Variants in ZNF839 observed in about 807,000 individuals in gnomAD.
The protein encoded by ZNF839 is zinc finger protein 839.
ZNF839 carries 38 observed loss-of-function variants against 56.4 expected under a neutral mutation model. That is an observed-to-expected ratio of 0.67 (90% CI 0.52 to 0.88). ZNF839 has a LOEUF of 0.88. Ranked by LOEUF, ZNF839 falls within the 40% of genes least tolerant of loss-of-function variation. ZNF839 has a pLI of 0.00. For missense variants in ZNF839, 1,091 were observed against 1,177.6 expected (o/e 0.93, Z 1.08); for synonymous variants, 486 against 493.5 (o/e 0.98, Z 0.20).
chr14:102,331,495 C>T, intron 2 of ZNF839, 127 bp from the exon 3 acceptor site: 3 of 753,162 alleles, frequency 4.0e-6, no homozygotes, highest in South Asian at 1.8e-5. Context: ...AATGATCCAC[C>T]CGCCTTGGGC....
intron 2 of ZNF839, among the ~76,000 whole-genome samples, chr14:102,329,560 C>T (rs1221049699): frequency 1.3e-5 from 2 of 151,452 alleles, no homozygotes; most frequent in Admixed American, 6.6e-5. Flanking sequence ...AATTTTTGTA[C>T]TTTTAGTAGA....
intron 5 of ZNF839, among the ~76,000 whole-genome samples, chr14:102,338,328 A>G (rs1055936366): frequency 2.0e-5 from 3 of 152,192 alleles, no homozygotes; most frequent in Non-Finnish European, 4.4e-5. Context: ...ACTTGAGGCC[A>G]GAAGTTCAAG....
Position 102,342,326 on chromosome 14 carries a change from C to T in ZNF839, c.*147C>T. On this transcript the variant is annotated 3_prime_UTR_variant, in exon 8 of 8. Coordinates refer to ENST00000442396, the MANE Select transcript of ZNF839 (RefSeq NM_018335.6). ...GTATATTTTTCTAATGTGAATATTGCACAGATGAACCTTTTATTTATAAAG... is the reference window on the plus strand; with the variant it reads ...GTATATTTTTCTAATGTGAATATTGTACAGATGAACCTTTTATTTATAAAG... 1 of 905,616 alleles carries T rather than the reference C, an allele frequency of 1.1e-6. No individual in the cohort carries two copies. Among genetic ancestry groups the T allele is most frequent in the African/African-American group, 1.7e-5 (1 of 60,556 alleles). The allele number at this position is 905,616 out of a possible 1,614,324, so 56.1% of individuals were successfully genotyped here.
upstream of ZNF839, among the ~76,000 whole-genome samples, chr14:102,317,933 G>C (rs72698579): frequency 0.025 from 3,763 of 152,314 alleles, 83 homozygotes; most frequent in South Asian, 0.085. Context: ...GGTTGTATAA[G>C]GTTGATGCCA....
In ZNF839 at chr14:102,326,778, A is replaced by G. The variant is rs1050688712; in HGVS notation, c.1082A>G (p.Glu361Gly). 5 of 1,612,606 alleles carry G rather than the reference A, an allele frequency of 3.1e-6. No homozygotes were observed. Among genetic ancestry groups the G allele is most frequent in the Non-Finnish European group, 4.2e-6 (5 of 1,179,430 alleles). ...ASGSTLRGCT[E>G]ERTLSLTSLG... is the part of the protein sequence containing the mutation. ...GGAAGCACCCTCCGGGGGTGCACGGAGGAAAGGACGCTCAGCCTGACCTCC... is the reference window on the plus strand; with the variant it reads ...GGAAGCACCCTCCGGGGGTGCACGGGGGAAAGGACGCTCAGCCTGACCTCC... Residue 361 changes from glutamate to glycine, a missense_variant, in exon 2 of 8, where the codon GAG (glutamate) becomes GGG (glycine). Coordinates refer to ENST00000442396, the MANE Select transcript of ZNF839 (RefSeq NM_018335.6). This position sits in a 1 kb window ranked among gnomAD's most constrained non-coding sequence, Gnocchi z 4.3.
chr14:102,317,580 A>T (rs2072933275), upstream of ZNF839: 1 of 151,960 alleles, frequency 6.6e-6, no homozygotes, highest in Non-Finnish European at 1.5e-5. Flanking sequence ...TGGAGGTGAA[A>T]ATCCAGGTCT....
chr14:102,331,663 AC>A lies in ZNF839; in HGVS notation c.1235del (p.Pro412GlnfsTer83). Reference protein sequence around the residue: ...VDVEETLPSEPENGALLRSER... With the variant: ...VDVEETLPSEXENGALLRSER... Reference sequence around the variant, plus strand: ...ACGTTGAAGAGACATTGCCATCTGAACCAGAAAATGGAGCTCTTTTGCGATC... The same window carrying A: ...ACGTTGAAGAGACATTGCCATCTGAACAGAAAATGGAGCTCTTTTGCGATC... On this transcript the variant is annotated frameshift_variant, in exon 3 of 8. Transcript: ENST00000442396. LOFTEE classifies it high-confidence loss of function. The A allele has an allele frequency of 1.9e-6, 3 of 1,612,878 alleles. No individual in the cohort carries two copies. The highest frequency in any genetic ancestry group is 1.7e-6 in the Non-Finnish European group (2 of 1,179,406).
intron 3 of ZNF839, among the ~76,000 whole-genome samples, chr14:102,333,276 T>C (rs2139546805): frequency 6.6e-6 from 1 of 150,922 alleles, no homozygotes; most frequent in Admixed American, 6.6e-5. Context: ...TTTTTTTTTT[T>C]TTTTGAGAGA....
Position 102,341,987 on chromosome 14 carries a change from T to C in ZNF839, c.2592T>C (p.Val864=), listed in dbSNP as rs770021064. The change falls in exon 8 of 8, where the codon GTT becomes GTC. Residue 864 remains valine, a synonymous_variant. Coordinates refer to ENST00000442396, the MANE Select transcript of ZNF839 (RefSeq NM_018335.6). ...HSGQRELESV[V]AVGEAMAFEI... ...GCCAGAGAGAACTGGAGAGCGTGGT[T>C]GCTGTCGGCGAAGCCATGGCTTTTG... The C allele has an allele frequency of 1.5e-5, 25 of 1,613,900 alleles. No homozygotes were observed. Among genetic ancestry groups the C allele is most frequent in the Non-Finnish European group, 1.9e-5 (23 of 1,179,900 alleles).
chr14:102,331,066 T>C lies in ZNF839; in HGVS notation c.1192-556T>C, dbSNP rs117728453. ...CTGTGTTGGAATTAGATAGTGGTTATGGTTACACAATTTCGCGAATATTTT... is the reference window on the plus strand; with the variant it reads ...CTGTGTTGGAATTAGATAGTGGTTACGGTTACACAATTTCGCGAATATTTT... On this transcript the variant is annotated intron_variant, in intron 2 of 7. Transcript: ENST00000442396. Among the ~76,000 whole-genome samples the C allele has an allele frequency of 3.7e-4, 57 of 152,344 alleles. 2 individuals are homozygous for C. Among genetic ancestry groups the C allele is most frequent in the East Asian group, 2.5e-3 (13 of 5,182 alleles).
intron 2 of ZNF839, among the ~76,000 whole-genome samples, chr14:102,327,543 C>T (rs1252823883): frequency 6.6e-6 from 1 of 152,226 alleles, no homozygotes; most frequent in Non-Finnish European, 1.5e-5. Flanking sequence ...CACCTCCCAC[C>T]AGGTCCCACC....
upstream of ZNF839, chr14:102,319,596 C>A: frequency 3.2e-6 from 3 of 948,080 alleles, no homozygotes; most frequent in Non-Finnish European, 4.1e-6. The surrounding 1 kb of genome is among the most constrained non-coding windows in gnomAD (Gnocchi z 4.5). Context: ...CTAAGAGCCG[C>A]GGCGGTTGTC....
chr14:102,340,565 G>A (rs1041202061), intron 7 of ZNF839, among the ~76,000 whole-genome samples: 2 of 152,156 alleles, frequency 1.3e-5, no homozygotes, highest in Non-Finnish European at 2.9e-5. Flanking sequence ...AGCAGCCACC[G>A]TGCCCAGCCT....
intron 2 of ZNF839, among the ~76,000 whole-genome samples, chr14:102,329,250 G>A (rs916754056): frequency 4.6e-5 from 7 of 152,214 alleles, no homozygotes; most frequent in Non-Finnish European, 1.0e-4. Context: ...TTACAGGCGT[G>A]AGCCACCACG....
chr14:102,319,597 G>A, upstream of ZNF839: 1 of 958,844 alleles, frequency 1.0e-6, no homozygotes. This position sits in a 1 kb window ranked among gnomAD's most constrained non-coding sequence, Gnocchi z 4.5. Context: ...TAAGAGCCGC[G>A]GCGGTTGTCG....
Position 102,326,530 on chromosome 14 carries a change from A to C in ZNF839, c.834A>C (p.Ser278=), listed in dbSNP as rs2073418155. Residue 278 remains serine, a synonymous_variant, in exon 2 of 8, where the codon TCA becomes TCC. Transcript: ENST00000442396. This position sits in a 1 kb window ranked among gnomAD's most constrained non-coding sequence, Gnocchi z 4.3. ...KTEDLADGHL[S]DSDDYSELCV... is the part of the protein sequence containing the mutation. ...AGGATCTGGCGGATGGTCATCTGTCAGATTCTGATGATTACTCAGAACTCT... is the reference window on the plus strand; with the variant it reads ...AGGATCTGGCGGATGGTCATCTGTCCGATTCTGATGATTACTCAGAACTCT... 2 of 1,614,074 alleles carry C rather than the reference A, an allele frequency of 1.2e-6. No individual in the cohort carries two copies. The highest frequency in any genetic ancestry group is 1.7e-6 in the Non-Finnish European group (2 of 1,179,896).
At position 102,341,613 on chromosome 14, in the gene ZNF839, A is replaced by G. The variant is rs1886528446; in HGVS notation, c.2218A>G (p.Ser740Gly). 1 of 1,613,894 alleles carries G rather than the reference A, an allele frequency of 6.2e-7. No individual in the cohort carries two copies. The highest frequency in any genetic ancestry group is 8.5e-7 in the Non-Finnish European group (1 of 1,179,892). ...EHSSDQDTWD[S>G]LRSPGFCSPL... Reference sequence around the variant, plus strand: ...CTCTTCAGACCAGGACACCTGGGACAGCCTGAGGAGCCCGGGTTTCTGCAG... The same window carrying G: ...CTCTTCAGACCAGGACACCTGGGACGGCCTGAGGAGCCCGGGTTTCTGCAG... Residue 740 changes from serine (S) to glycine (G), a missense_variant, in exon 8 of 8, where the codon AGC becomes GGC. By Grantham distance (56) the Ser-to-Gly change is moderately conservative. Coordinates refer to ENST00000442396, the MANE Select transcript of ZNF839 (RefSeq NM_018335.6).
intron 2 of ZNF839, among the ~76,000 whole-genome samples, chr14:102,330,808 G>A (rs1456009043): frequency 6.6e-6 from 1 of 152,170 alleles, no homozygotes; most frequent in Non-Finnish European, 1.5e-5. Flanking sequence ...ATGAGCCACC[G>A]GGCACGCCTG....
chr14:102,325,279 C>T (rs928844607), intron 1 of ZNF839, among the ~76,000 whole-genome samples: 1 of 146,432 alleles, frequency 6.8e-6, no homozygotes, highest in Middle Eastern at 3.3e-3. Context: ...GCAGAGGTTA[C>T]AGTGAACTGA....
Sources: gnomAD v4.1 joint callset for allele counts (sites outside exome capture counted in the v4.1 genomes callset) on GRCh38, gnomAD v4.1.1 for gene constraint, Gnocchi (gnomAD v3.1) non-coding constraint, MANE v1.5 for transcripts, NCBI Gene and HGNC (gene_info 2026-07-23, HGNC 2026-07-21) for gene names.